TEX10: variants seen among roughly 807,000 people sequenced by gnomAD.
The protein encoded by TEX10 is testis-expressed protein 10.
A neutral mutation model predicts 104.4 loss-of-function variants in TEX10; 24 were observed. That is an observed-to-expected ratio of 0.23 (90% CI 0.17 to 0.32). TEX10 has a LOEUF of 0.32. TEX10 is among the 10% of genes least tolerant of loss of function. The probability of loss-of-function intolerance (pLI) is 1.00; values close to 1 mark genes in which losing one functional copy is unlikely to be tolerated. For synonymous variants in TEX10, 396 were observed against 393.4 expected (o/e 1.01, Z -0.08); for missense variants, 921 against 1,083.9 (o/e 0.85, Z 2.11).
At chr9:100,324,033 C>G (rs902642439) in intron 9 of TEX10, among the ~76,000 whole-genome samples, 3 of 151,778 alleles carry the variant, frequency 2.0e-5, no homozygotes, top group African/African-American at 7.3e-5. Flanking sequence ...ATGAACTAAC[C>G]GTCAGTCTTT....
In TEX10 at chr9:100,320,404, T is replaced by G; in HGVS notation, c.2069-6A>C. ...CAACTCCTCTTTCGAAAACCCTAAT[T>G]CAGGTAACAAAGAAAGCCAATTTAA... On this transcript the variant is annotated splice_polypyrimidine_tract_variant and splice_region_variant and intron_variant, in intron 10 of 14. Transcript: ENST00000374902. The G allele has an allele frequency of 6.3e-7, 1 of 1,585,408 alleles. No homozygotes were observed. The highest frequency in any genetic ancestry group is 1.2e-5 in the South Asian group (1 of 85,420).
chr9:100,342,184 C>A (rs540634696), intron 4 of TEX10, among the ~76,000 whole-genome samples: 5 of 152,224 alleles, frequency 3.3e-5, no homozygotes, highest in Non-Finnish European at 7.3e-5. Flanking sequence ...AAGACTTGCT[C>A]CTTCACTTCA....
intron 5 of TEX10, among the ~76,000 whole-genome samples, chr9:100,332,520 T>C (rs556997357): frequency 1.3e-5 from 2 of 152,248 alleles, no homozygotes; most frequent in Non-Finnish European, 2.9e-5. Context: ...GTATAGGTAA[T>C]TATAATATTG....
chr9:100,327,452 A>G (rs1834735444), intron 8 of TEX10, among the ~76,000 whole-genome samples: 1 of 151,412 alleles, frequency 6.6e-6, no homozygotes, highest in African/African-American at 2.4e-5. Context: ...GTCATACGAG[A>G]TATTCACTAT....
intron 5 of TEX10, among the ~76,000 whole-genome samples, chr9:100,339,173 G>A (rs1261959097): frequency 7.7e-6 from 1 of 129,304 alleles, no homozygotes; most frequent in African/African-American, 2.9e-5. Context: ...AGGATCACTT[G>A]AACCCAGGAG....
intron 14 of TEX10, among the ~76,000 whole-genome samples, 191 bp downstream of exon 14, chr9:100,303,441 C>G (rs34784581): frequency 1.3e-4 from 19 of 145,566 alleles, no homozygotes; most frequent in African/African-American, 3.8e-4. Context: ...CAGACACACC[C>G]CCCCCCCCAT....
At position 100,317,244 on chromosome 9, in the gene TEX10, A is replaced by G. The variant is rs183326971; in HGVS notation, c.2202+3021T>C. 3.6e-3 allele frequency among the ~76,000 whole-genome samples: 544 copies of G among 152,276 alleles called. 3 individuals are homozygous for G. Among genetic ancestry groups the G allele is most frequent in the African/African-American group, 0.012 (512 of 41,564 alleles). On this transcript the variant is annotated intron_variant, in intron 11 of 14. Coordinates refer to ENST00000374902, the MANE Select transcript of TEX10 (RefSeq NM_017746.4). ...TATCACATTCCCTGTGATACTTTAC[A>G]TTACCTACAAGGCTGTAGTAAACAC...
intron 11 of TEX10, among the ~76,000 whole-genome samples, chr9:100,312,466 G>A (rs1446457975): frequency 1.3e-5 from 2 of 152,166 alleles, no homozygotes; most frequent in Non-Finnish European, 2.9e-5. Context: ...GTACAAAAAA[G>A]AAACAGGATA....
At chr9:100,318,597 C>G (rs1047991875) in intron 11 of TEX10, among the ~76,000 whole-genome samples, 1 of 152,060 alleles carries the variant, frequency 6.6e-6, no homozygotes, top group Non-Finnish European at 1.5e-5. Context: ...ATTTGTACCC[C>G]TAAATTTACA....
At chr9:100,335,111 ACAAT>A (rs371146239) in intron 5 of TEX10, among the ~76,000 whole-genome samples, 1 of 152,300 alleles carries the variant, frequency 6.6e-6, no homozygotes, top group East Asian at 1.9e-4. Context: ...TTTCCTTGAG[ACAAT>A]CATAGTTCTT....
chr9:100,332,408 C>G (rs1390389148), intron 5 of TEX10, among the ~76,000 whole-genome samples: 1 of 152,184 alleles, frequency 6.6e-6, no homozygotes, highest in Non-Finnish European at 1.5e-5. Flanking sequence ...TCCTTCTGCT[C>G]CTCCAATAAC....
At position 100,316,854 on chromosome 9, in the gene TEX10, T is replaced by C. The variant is rs377284165; in HGVS notation, c.2202+3411A>G. On this transcript the variant is annotated intron_variant, in intron 11 of 14. Coordinates refer to ENST00000374902, the MANE Select transcript of TEX10 (RefSeq NM_017746.4). ...TACATTTCTATATACCAATAACTAG[T>C]TGAAAACAAAATCAAGAAGGCAATC... is the stretch of plus-strand genomic sequence containing the variant. Among the ~76,000 whole-genome samples the C allele has an allele frequency of 9.7e-4, 121 of 124,140 alleles. 1 individual carries two copies. In the Middle Eastern group the frequency reaches 0.036, roughly 37 times the overall value. 81.4% of individuals were successfully genotyped at this position (124,140 alleles called of 152,430 possible).
chr9:100,329,104 A>G, intron 7 of TEX10, 36 bp downstream of exon 7: 1 of 1,559,582 alleles, frequency 6.4e-7, no homozygotes. Flanking sequence ...AAAACTCAGC[A>G]AGAGAAAAAA....
In TEX10 at chr9:100,326,466, A is replaced by T. The variant is rs1171049303; in HGVS notation, c.1815T>A (p.Gly605=). 6.2e-7 allele frequency: 1 copy of T among 1,613,494 alleles called. No homozygotes were observed. Among genetic ancestry groups the T allele is most frequent in the East Asian group, 2.2e-5 (1 of 44,868 alleles). ...TALRIYDPQE[G]AVVVLPADSQ... Reference sequence around the variant, plus strand: ...AGTCTGCAGGGAGAACCACCACAGCACCTTCTTGTGGATCTAGTGAGGTGG... The same window carrying T: ...AGTCTGCAGGGAGAACCACCACAGCTCCTTCTTGTGGATCTAGTGAGGTGG... The change falls in exon 9 of 15, where the codon GGT becomes GGA. Residue 605 remains glycine, a synonymous_variant. Transcript: ENST00000374902.
intron 4 of TEX10, among the ~76,000 whole-genome samples, chr9:100,341,848 G>A (rs150536744): frequency 1.8e-4 from 27 of 152,236 alleles, no homozygotes; most frequent in African/African-American, 6.5e-4. Flanking sequence ...TGAGCACCTG[G>A]GAGTTCACTA....
chr9:100,350,839 A>C (rs957586179), intron 1 of TEX10, among the ~76,000 whole-genome samples: 3 of 152,222 alleles, frequency 2.0e-5, no homozygotes, highest in Non-Finnish European at 4.4e-5. Context: ...TTAGATCGCC[A>C]TGAGGTAGGA....
chr9:100,344,646 A>C (rs1315923938), intron 4 of TEX10, among the ~76,000 whole-genome samples: 1 of 152,170 alleles, frequency 6.6e-6, no homozygotes, highest in African/African-American at 2.4e-5. Flanking sequence ...GGAGTTCAAA[A>C]CCAGCCTGCC....
chr9:100,334,647 T>G lies in TEX10; in HGVS notation c.1251-4478A>C, dbSNP rs368973249. On this transcript the variant is annotated intron_variant, in intron 5 of 14. Coordinates refer to ENST00000374902, the MANE Select transcript of TEX10 (RefSeq NM_017746.4). ...CAAATGCCATTTGTTTTCCTGGAAC[T>G]GATAGGCTCATTTTGTTCTTTTTTT... Among the ~76,000 whole-genome samples, 22 of 149,732 alleles carry G rather than the reference T, an allele frequency of 1.5e-4. 1 individual carries two copies. The East Asian group carries it at 3.7e-3, about 25-fold the overall frequency.
At chr9:100,303,518 T>C in intron 14 of TEX10, 114 bp downstream of exon 14, 2 of 1,102,854 alleles carry the variant, frequency 1.8e-6, no homozygotes, top group South Asian at 1.4e-5. Context: ...GATTAATTCC[T>C]GGACTCAATG....
Sources: gnomAD v4.1 joint callset for allele counts (sites outside exome capture counted in the v4.1 genomes callset) on GRCh38, gnomAD v4.1.1 for gene constraint, MANE v1.5 for transcripts, NCBI Gene and HGNC (gene_info 2026-07-23, HGNC 2026-07-21) for gene names.